ATP9B: variants seen among roughly 807,000 people sequenced by gnomAD.
ATP9B encodes ATPase phospholipid transporting 9B, also known as probable phospholipid-transporting ATPase IIB.
Under a neutral mutation model 146.1 loss-of-function variants are expected in ATP9B, and 110 were observed. The ratio of observed to expected loss-of-function variants is 0.75; its 90% CI spans 0.65 to 0.88. The LOEUF is 0.88. Ranked by LOEUF, ATP9B falls within the 40% of genes least tolerant of loss-of-function variation. The pLI is 0.00. For missense variants in ATP9B, 1,499 were observed against 1,496.4 expected (o/e 1.00, Z -0.03); for synonymous variants, 604 against 569.7 (o/e 1.06, Z -0.86).
At chr18:79,092,830 C>G (rs944881975) in intron 1 of ATP9B, among the ~76,000 whole-genome samples, 10 of 151,796 alleles carry the variant, frequency 6.6e-5, no homozygotes, top group African/African-American at 2.4e-4. Flanking sequence ...CCTGAAGGAC[C>G]TGTCTGAGGC....
At chr18:79,087,544 G>A (rs190084531) in intron 1 of ATP9B, 2 of 152,222 alleles carry the variant, frequency 1.3e-5, no homozygotes, top group African/African-American at 4.8e-5. Context: ...AGGCAAAGTG[G>A]GAGTGTTTAT....
chr18:79,371,416 C>G (rs1271628274), intron 26 of ATP9B, among the ~76,000 whole-genome samples: 1 of 148,238 alleles, frequency 6.7e-6, no homozygotes, highest in African/African-American at 2.5e-5. Context: ...AGTGCTTCTT[C>G]GTCACAGTGA....
At chr18:79,245,131 T>C (rs2095931062) in intron 11 of ATP9B, among the ~76,000 whole-genome samples, 1 of 152,212 alleles carries the variant, frequency 6.6e-6, no homozygotes, top group South Asian at 2.1e-4. Flanking sequence ...CTGGCTTGTT[T>C]GTAAAATACA....
chr18:79,092,476 CT>C (rs967332736), intron 1 of ATP9B, among the ~76,000 whole-genome samples: 1 of 151,972 alleles, frequency 6.6e-6, no homozygotes, highest in Non-Finnish European at 1.5e-5. Flanking sequence ...CTTACTGGAA[CT>C]TTTTTACTTT....
rs183166324 is a variant in ATP9B, at chr18:79,221,216, T to C, written c.1107+7178T>C. ...CTCCCTGTTGGTCTTCAGCCCCTGA[T>C]GGGCCCTCACCACCTCCACCACCGA... On this transcript the variant is annotated intron_variant, in intron 11 of 29. Coordinates refer to ENST00000426216, the MANE Select transcript of ATP9B (RefSeq NM_198531.5). 2.8e-4 allele frequency among the ~76,000 whole-genome samples: 43 copies of C among 152,250 alleles called. No homozygotes were observed. In the East Asian group the frequency reaches 5.8e-3, roughly 21 times the overall value.
At chr18:79,094,397 T>G (rs2074610227) in intron 1 of ATP9B, among the ~76,000 whole-genome samples, 1 of 152,142 alleles carries the variant, frequency 6.6e-6, no homozygotes, top group Non-Finnish European at 1.5e-5. Context: ...AAAGTCAGGG[T>G]TTTCTCTCAG....
At chr18:79,129,442 C>G (rs919630005) in intron 5 of ATP9B, among the ~76,000 whole-genome samples, 1 of 152,136 alleles carries the variant, frequency 6.6e-6, no homozygotes, top group Non-Finnish European at 1.5e-5. Context: ...GTGAGGCTGC[C>G]GCACAGAGCC....
In ATP9B at chr18:79,084,653, C is replaced by G. The variant is rs148158731; in HGVS notation, c.120-11823C>G. ...AACTAAATAGTTATTAGAAAAACAGCTTTCATATGAGCTTTACATCGCTTT... is the reference window on the plus strand; with the variant it reads ...AACTAAATAGTTATTAGAAAAACAGGTTTCATATGAGCTTTACATCGCTTT... On this transcript the variant is annotated intron_variant, in intron 1 of 29. Coordinates refer to ENST00000426216, the MANE Select transcript of ATP9B (RefSeq NM_198531.5). Among the ~76,000 whole-genome samples, 591 of 152,270 alleles carry G rather than the reference C, an allele frequency of 3.9e-3. 3 individuals are homozygous for G. The highest frequency in any genetic ancestry group is 0.025 in the South Asian group (119 of 4,828).
Position 79,129,146 on chromosome 18 carries a change from A to G in ATP9B, c.667+2771A>G, listed in dbSNP as rs201069275. On this transcript the variant is annotated intron_variant, in intron 5 of 29. Transcript: ENST00000426216. Reference sequence around the variant, plus strand: ...GTAGCGCCATTTCTCAAACATATGCAAGGCTAATGAATAGCCTGTAGTAGC... The same window carrying G: ...GTAGCGCCATTTCTCAAACATATGCGAGGCTAATGAATAGCCTGTAGTAGC... 2.7e-4 allele frequency among the ~76,000 whole-genome samples: 41 copies of G among 152,306 alleles called. No individual in the cohort carries two copies. In the East Asian group the frequency reaches 7.7e-3, roughly 29 times the overall value.
chr18:79,376,844 A>G lies in ATP9B; in HGVS notation c.3308-403A>G, dbSNP rs187126172. Among the ~76,000 whole-genome samples the G allele has an allele frequency of 9.2e-5, 14 of 151,462 alleles. No individual in the cohort carries two copies. The East Asian group carries it at 2.7e-3, about 30-fold the overall frequency. The stretch of plus-strand genomic sequence containing the variant: ...CCGGTAGCTGGGATTACAGGTGTCC[A>G]CCACCACGCCCGGCTAATGTTTTGT... On this transcript the variant is annotated intron_variant, in intron 29 of 29. Transcript: ENST00000426216.
At chr18:79,245,123 G>A (rs1197767877) in intron 11 of ATP9B, among the ~76,000 whole-genome samples, 1 of 152,152 alleles carries the variant, frequency 6.6e-6, no homozygotes, top group Non-Finnish European at 1.5e-5. Flanking sequence ...AGAGCTTGCT[G>A]GCTTGTTTGT....
intron 1 of ATP9B, among the ~76,000 whole-genome samples, chr18:79,071,021 C>T (rs987729849): frequency 3.1e-4 from 43 of 139,838 alleles, no homozygotes; most frequent in African/African-American, 1.1e-3. Flanking sequence ...TGTTCTGTTT[C>T]TTCTGATTCT....
intron 29 of ATP9B, chr18:79,375,795 CA>C (rs2097098841): frequency 1.0e-6 from 1 of 985,338 alleles, no homozygotes; most frequent in African/African-American, 1.7e-5. Flanking sequence ...CCCCTTCATA[CA>C]GAGATCCAGC....
intron 4 of ATP9B, among the ~76,000 whole-genome samples, chr18:79,123,135 C>G (rs988880823): frequency 6.6e-6 from 1 of 152,006 alleles, no homozygotes; most frequent in African/African-American, 2.4e-5. Context: ...CTGTCTATCT[C>G]TAGTCACAGA....
intron 25 of ATP9B, among the ~76,000 whole-genome samples, chr18:79,355,948 G>T (rs2096949893): frequency 6.6e-6 from 1 of 152,140 alleles, no homozygotes; most frequent in Non-Finnish European, 1.5e-5. Flanking sequence ...AGGCCTCATG[G>T]GCACGGCACA....
At position 79,345,592 on chromosome 18, in the gene ATP9B, C is replaced by T. The variant is rs1049253442; in HGVS notation, c.2617+20C>T. ...CCATCGGTGAGAGCCGCCCACCCTG[C>T]TCACAGGGAGGTCTCCAGAGAAACC... On this transcript the variant is annotated intron_variant, in intron 22 of 29. Transcript: ENST00000426216. 1.2e-6 allele frequency: 2 copies of T among 1,602,948 alleles called. No homozygotes were observed. The highest frequency in any genetic ancestry group is 1.7e-6 in the Non-Finnish European group (2 of 1,176,904).
rs2075924843 is a variant in ATP9B at position 79,110,338 on chromosome 18, T to C, written c.294-17T>C. 6.5e-7 allele frequency: 1 copy of C among 1,549,106 alleles called. No individual in the cohort carries two copies. Among genetic ancestry groups the C allele is most frequent in the South Asian group, 1.2e-5 (1 of 81,702 alleles). On this transcript the variant is annotated splice_polypyrimidine_tract_variant and intron_variant, in intron 2 of 29. Coordinates refer to ENST00000426216, the MANE Select transcript of ATP9B (RefSeq NM_198531.5). ...AGCAAAAAAAAATACACAATACGTATCTTTTGTTTCATACAGTTGCTGTGG... is the reference window on the plus strand; with the variant it reads ...AGCAAAAAAAAATACACAATACGTACCTTTTGTTTCATACAGTTGCTGTGG...
At chr18:79,095,202 A>C (rs563572939) in intron 1 of ATP9B, among the ~76,000 whole-genome samples, 4 of 152,226 alleles carry the variant, frequency 2.6e-5, no homozygotes, top group African/African-American at 9.6e-5. Flanking sequence ...CCTCACCAAC[A>C]AGCCTTTCAA....
At chr18:79,180,102 A>G (rs766819714) in intron 8 of ATP9B, among the ~76,000 whole-genome samples, 4 of 152,188 alleles carry the variant, frequency 2.6e-5, no homozygotes, top group Non-Finnish European at 4.4e-5. Flanking sequence ...ATTAGTATTT[A>G]CATGGTTTAT....
Sources: allele counts gnomAD v4.1 joint callset (sites outside exome capture counted in the v4.1 genomes callset), GRCh38; gene constraint gnomAD v4.1.1; transcripts MANE v1.5; gene names NCBI Gene and HGNC (gene_info 2026-07-23, HGNC 2026-07-21).